FGF14: variants seen among roughly 807,000 people sequenced by gnomAD.
FGF14 encodes the protein fibroblast growth factor 14, also known as fibroblast growth factor homologous factor 4.
FGF14 carries 5 observed loss-of-function variants against 25.5 expected under a neutral mutation model. The observed-to-expected ratio is 0.20, with a 90% CI of 0.10 to 0.41. The LOEUF (loss-of-function observed/expected upper bound fraction) is 0.41, where lower values mean the gene tolerates loss of function less well. FGF14 is among the 10% of genes least tolerant of loss of function. The pLI is 1.00. For missense variants in FGF14, 222 were observed against 320.1 expected (o/e 0.69, Z 2.34); for synonymous variants, 138 against 118.3 (o/e 1.17, Z -1.08).
At chr13:102,348,083 T>C (rs1490426465) in intron 1 of FGF14, among the ~76,000 whole-genome samples, 3 of 152,036 alleles carry the variant, frequency 2.0e-5, no homozygotes, top group East Asian at 3.9e-4. Flanking sequence ...AGATAAGCTT[T>C]GATGTGGGCA....
At chr13:102,395,314 A>G (rs1212045258) in intron 1 of FGF14, 2 of 152,180 alleles carry the variant, frequency 1.3e-5, no homozygotes, top group African/African-American at 4.8e-5. Flanking sequence ...GCAACTATGA[A>G]CCTAATGGTG....
intron 3 of FGF14, among the ~76,000 whole-genome samples, chr13:101,836,220 CAT>C (rs1245460377): frequency 6.6e-6 from 1 of 152,008 alleles, no homozygotes; most frequent in Non-Finnish European, 1.5e-5. Flanking sequence ...GGTAAATGTG[CAT>C]CTGCCAAGAA....
rs879768831 is a variant in FGF14, at chr13:102,161,659, A to G, written c.208+239812T>C. The stretch of plus-strand genomic sequence containing the variant: ...GAAGAAGAAGAAGAAGAAGAAGAAG[A>G]AGAAGAAGAAGAAGAAGAAGAAGAA... On this transcript the variant is annotated intron_variant, in intron 1 of 4. Transcript: ENST00000376131. Among the ~76,000 whole-genome samples, 50 of 27,468 alleles carry G rather than the reference A, an allele frequency of 1.8e-3. 3 individuals carry two copies. Among genetic ancestry groups the G allele is most frequent in the Non-Finnish European group, 3.5e-3 (41 of 11,730 alleles). The allele number at this position is 27,468 out of a possible 152,430, so 18.0% of individuals were successfully genotyped here.
In FGF14 at chr13:101,943,828, T is replaced by TATATATATATATATATACACAC. The variant is rs1482940479; in HGVS notation, c.209-68533_209-68532insGTGTGTATATATATATATATAT. On this transcript the variant is annotated intron_variant, in intron 1 of 4. Coordinates refer to the FGF14 transcript ENST00000376131. Reference sequence around the variant, plus strand: ...GTCTCTACTTAAAAAAAAAAAAAAATATATATATATATATATTCACAAAAT... The same window carrying TATATATATATATATATACACAC: ...GTCTCTACTTAAAAAAAAAAAAAAATATATATATATATATATACACACATATATATATATATATTCACAAAAT... Among the ~76,000 whole-genome samples the TATATATATATATATATACACAC allele has an allele frequency of 3.2e-3, 425 of 133,782 alleles. 2 individuals carry two copies. The highest frequency in any genetic ancestry group is 0.012 in the African/African-American group (392 of 32,390). 87.8% of individuals were successfully genotyped at this position (133,782 alleles called of 152,430 possible).
chr13:101,720,075 T>C lies in FGF14; in HGVS notation c.*2756A>G, dbSNP rs2034875251. ...AATATGCCTTCATATAAATATTTTA[T>C]TCAATATGTTGTATTTGTGAATTTA... On this transcript the variant is annotated 3_prime_UTR_variant, in exon 5 of 5. Transcript: ENST00000376143. 1 of 152,176 alleles carries C rather than the reference T, an allele frequency of 6.6e-6. No individual in the cohort carries two copies. 9.4% of individuals were successfully genotyped at this position (152,176 alleles called of 1,614,324 possible).
At chr13:102,063,894 T>C (rs1285714381) in intron 1 of FGF14, among the ~76,000 whole-genome samples, 1 of 152,176 alleles carries the variant, frequency 6.6e-6, no homozygotes, top group Non-Finnish European at 1.5e-5. Context: ...TGTCATGCGA[T>C]GAACTATTAT....
intron 1 of FGF14, among the ~76,000 whole-genome samples, chr13:102,073,258 A>G (rs1009596942): frequency 4.6e-5 from 7 of 152,234 alleles, no homozygotes; most frequent in African/African-American, 7.2e-5. Context: ...TCTCAAAAAA[A>G]TTAATAAATA....
intron 1 of FGF14, among the ~76,000 whole-genome samples, chr13:102,363,912 A>G (rs2057636334): frequency 6.6e-6 from 1 of 152,222 alleles, no homozygotes; most frequent in Non-Finnish European, 1.5e-5. Context: ...GCATCTTTCA[A>G]TGGATCTTTT....
intron 1 of FGF14, among the ~76,000 whole-genome samples, chr13:101,911,299 G>A (rs1406245914): frequency 6.6e-6 from 1 of 152,094 alleles, no homozygotes; most frequent in African/African-American, 2.4e-5. Context: ...GTAACTTTGG[G>A]ACAGAAGGTT....
chr13:102,034,508 G>A (rs767084268), intron 1 of FGF14, among the ~76,000 whole-genome samples: 24 of 152,056 alleles, frequency 1.6e-4, no homozygotes, highest in Non-Finnish European at 2.6e-4. Context: ...CTAATCCTCC[G>A]ACTAGAGCTG....
At chr13:102,143,206 C>A (rs925468643) in intron 1 of FGF14, among the ~76,000 whole-genome samples, 1 of 152,116 alleles carries the variant, frequency 6.6e-6, no homozygotes, top group Non-Finnish European at 1.5e-5. Flanking sequence ...GGTAGAGTTT[C>A]CTCTACAAAA....
chr13:102,280,670 T>C (rs1212744545), intron 1 of FGF14, among the ~76,000 whole-genome samples: 1 of 152,218 alleles, frequency 6.6e-6, no homozygotes, highest in Non-Finnish European at 1.5e-5. Flanking sequence ...TACACACCAA[T>C]GCCTTCTTTG....
At chr13:102,132,966 C>T (rs1244069022) in intron 1 of FGF14, among the ~76,000 whole-genome samples, 1 of 152,178 alleles carries the variant, frequency 6.6e-6, no homozygotes, top group African/African-American at 2.4e-5. Flanking sequence ...TGAGCACTTG[C>T]ATTTATCTCT....
intron 1 of FGF14, among the ~76,000 whole-genome samples, chr13:102,281,353 C>T (rs1213663245): frequency 1.3e-5 from 2 of 152,108 alleles, no homozygotes; most frequent in Non-Finnish European, 2.9e-5. Context: ...AAGAGTGGCC[C>T]TCTCCCTGAA....
At chr13:101,887,328 G>GTGTGTA (rs372585813) in intron 1 of FGF14, among the ~76,000 whole-genome samples, 2 of 147,640 alleles carry the variant, frequency 1.4e-5, no homozygotes, top group African/African-American at 2.5e-5. Context: ...ATATATGTGT[G>GTGTGTA]TATATATATA....
chr13:102,379,537 C>A (rs1247047841), intron 1 of FGF14, among the ~76,000 whole-genome samples: 1 of 151,382 alleles, frequency 6.6e-6, no homozygotes, highest in African/African-American at 2.4e-5. Flanking sequence ...TACATACACA[C>A]AAACACACAT....
intron 1 of FGF14, among the ~76,000 whole-genome samples, chr13:102,085,211 C>CT (rs36051988): frequency 0.28 from 42,304 of 151,662 alleles, 7,803 homozygotes; most frequent in African/African-American, 0.53. Flanking sequence ...TTTCTCTTTC[C>CT]TTTTTTCCCC....
intron 1 of FGF14, among the ~76,000 whole-genome samples, chr13:102,026,651 GT>G (rs2040943713): frequency 6.6e-6 from 1 of 151,908 alleles, no homozygotes. Flanking sequence ...ATTTAATCCA[GT>G]TAAATTAGTC....
chr13:102,132,167 C>G (rs1456518744), intron 1 of FGF14, among the ~76,000 whole-genome samples: 1 of 152,012 alleles, frequency 6.6e-6, no homozygotes, highest in African/African-American at 2.4e-5. Context: ...GGCGACCACC[C>G]CAGGGTCCAT....
Sources: gnomAD v4.1 joint callset for allele counts (sites outside exome capture counted in the v4.1 genomes callset) on GRCh38, gnomAD v4.1.1 for gene constraint, MANE v1.5 for transcripts, NCBI Gene and HGNC (gene_info 2026-07-23, HGNC 2026-07-21) for gene names.